MDGA2: variants seen among roughly 807,000 people sequenced by gnomAD.
MDGA2 encodes MAM domain-containing glycosylphosphatidylinositol anchor protein 2.
MDGA2 carries 40 observed loss-of-function variants against 117.8 expected under a neutral mutation model. The observed-to-expected ratio is 0.34, with a 90% CI of 0.26 to 0.44. The LOEUF (loss-of-function observed/expected upper bound fraction) is 0.44. Ranked by LOEUF, MDGA2 falls within the 20% of genes least tolerant of loss-of-function variation. MDGA2 has a pLI of 1.00. For missense variants in MDGA2, 1,123 were observed against 1,250.6 expected (o/e 0.90, Z 1.54); for synonymous variants, 452 against 439.0 (o/e 1.03, Z -0.37).
intron 1 of MDGA2, among the ~76,000 whole-genome samples, chr14:47,503,667 G>C (rs1387206725): frequency 2.0e-5 from 3 of 152,044 alleles, no homozygotes; most frequent in African/African-American, 7.2e-5. Context: ...GCCTCCCAAA[G>C]GGCTGAGATT....
chr14:47,204,553 T>A (rs1311272722), intron 3 of MDGA2, among the ~76,000 whole-genome samples: 1 of 151,948 alleles, frequency 6.6e-6, no homozygotes, highest in Non-Finnish European at 1.5e-5. Context: ...CATGGGTTTT[T>A]AAAAATACAT....
chr14:47,408,822 G>T (rs983381231), intron 1 of MDGA2, among the ~76,000 whole-genome samples: 14 of 152,092 alleles, frequency 9.2e-5, no homozygotes, highest in African/African-American at 3.1e-4. Flanking sequence ...GAGGAGACTG[G>T]GCAGATAGAG....
intron 3 of MDGA2, among the ~76,000 whole-genome samples, chr14:47,168,165 T>G (rs192346272): frequency 1.7e-4 from 26 of 152,084 alleles, no homozygotes; most frequent in Admixed American, 1.5e-3. Flanking sequence ...AGGAGTTTGC[T>G]TTTCCTCTTA....
In MDGA2 at chr14:47,372,623, AT is replaced by A. The variant is rs1171202728; in HGVS notation, c.281-71074del. On this transcript the variant is annotated intron_variant, in intron 1 of 16. Coordinates refer to ENST00000399232, the MANE Select transcript of MDGA2 (RefSeq NM_001113498.3). ...TCCTGAATTATTGGTTAGAGTATGA[AT>A]TGCTACCCACCATTGTGAAAATGAA... is the stretch of plus-strand genomic sequence containing the variant. Among the ~76,000 whole-genome samples the A allele has an allele frequency of 1.1e-4, 17 of 152,048 alleles. No homozygotes were observed. The East Asian group carries it at 2.7e-3, about 24-fold the overall frequency.
At chr14:47,618,571 A>G (rs188443887) in intron 1 of MDGA2, among the ~76,000 whole-genome samples, 1 of 152,300 alleles carries the variant, frequency 6.6e-6, no homozygotes, top group Non-Finnish European at 1.5e-5. Context: ...ACAAGAAGGC[A>G]CTGTATGTCG....
chr14:47,200,746 C>T (rs1885472288), intron 3 of MDGA2: 7 of 870,926 alleles, frequency 8.0e-6, no homozygotes, highest in Admixed American at 3.9e-5. Flanking sequence ...CCTGCTACTT[C>T]CAGCCAACCT....
chr14:47,314,458 A>T (rs548396320), intron 1 of MDGA2, among the ~76,000 whole-genome samples: 1 of 152,256 alleles, frequency 6.6e-6, no homozygotes, highest in Admixed American at 6.5e-5. Flanking sequence ...CAGGAGGATA[A>T]CTTAAAGCCA....
At chr14:47,482,356 G>A (rs571097437) in intron 1 of MDGA2, among the ~76,000 whole-genome samples, 2 of 152,060 alleles carry the variant, frequency 1.3e-5, no homozygotes, top group South Asian at 4.1e-4. Context: ...GCATGACTCT[G>A]GACATCATTC....
At chr14:47,213,892 G>A (rs1455043835) in intron 3 of MDGA2, among the ~76,000 whole-genome samples, 3 of 152,072 alleles carry the variant, frequency 2.0e-5, no homozygotes, top group South Asian at 2.1e-4. Flanking sequence ...CAATCACAGC[G>A]GAAGGCAAAG....
chr14:47,279,283 A>G (rs1441839361), intron 2 of MDGA2, among the ~76,000 whole-genome samples: 2 of 152,084 alleles, frequency 1.3e-5, no homozygotes, highest in African/African-American at 4.8e-5. Flanking sequence ...AACATTTTTA[A>G]GTCTCTATTT....
intron 1 of MDGA2, among the ~76,000 whole-genome samples, chr14:47,538,391 T>C (rs924458606): frequency 1.3e-5 from 2 of 152,214 alleles, no homozygotes; most frequent in South Asian, 2.1e-4. Flanking sequence ...TCGACTTCAT[T>C]ATTCAACTAC....
In MDGA2 at chr14:47,168,299, A is replaced by C. The variant is rs560724679; in HGVS notation, c.596-24025T>G. ...AACTCCATCTCAAAAAAAAAAAAAA[A>C]AAAAAACCTTAACATCTTGACCACA... On this transcript the variant is annotated intron_variant, in intron 3 of 16. Coordinates refer to ENST00000399232, the MANE Select transcript of MDGA2 (RefSeq NM_001113498.3). Among the ~76,000 whole-genome samples the C allele has an allele frequency of 1.0e-3, 156 of 151,814 alleles. 1 individual carries two copies. Among genetic ancestry groups the C allele is most frequent in the African/African-American group, 3.5e-3 (144 of 41,498 alleles).
chr14:47,503,590 G>A (rs1205539495), intron 1 of MDGA2, among the ~76,000 whole-genome samples: 1 of 151,984 alleles, frequency 6.6e-6, no homozygotes, highest in Non-Finnish European at 1.5e-5. Flanking sequence ...ATTTTTAGTA[G>A]AGACAGGGTT....
At chr14:47,281,910 AG>A (rs1888503576) in intron 2 of MDGA2, among the ~76,000 whole-genome samples, 2 of 151,954 alleles carry the variant, frequency 1.3e-5, no homozygotes, top group African/African-American at 4.8e-5. Flanking sequence ...TACAAAAATT[AG>A]TCGGGTGTGG....
intron 6 of MDGA2, among the ~76,000 whole-genome samples, chr14:47,070,080 T>C (rs1193974288): frequency 1.3e-5 from 2 of 152,142 alleles, no homozygotes; most frequent in Non-Finnish European, 2.9e-5. Flanking sequence ...TCCAATTATA[T>C]GCTTTGTTAT....
chr14:47,511,046 T>C (rs1302440665), intron 1 of MDGA2, among the ~76,000 whole-genome samples: 3 of 152,178 alleles, frequency 2.0e-5, no homozygotes. Context: ...AGTTTTCTTA[T>C]TTTTATTGGT....
intron 8 of MDGA2, among the ~76,000 whole-genome samples, chr14:46,961,154 G>T (rs766337420): frequency 1.3e-5 from 2 of 151,816 alleles, no homozygotes; most frequent in African/African-American, 2.4e-5. Context: ...TGTCATTGCT[G>T]TTCTGCAGTT....
chr14:47,324,787 G>A (rs1340854436), intron 1 of MDGA2, among the ~76,000 whole-genome samples: 4 of 151,790 alleles, frequency 2.6e-5, no homozygotes, highest in African/African-American at 9.7e-5. Context: ...TCTCACCCTC[G>A]TGAAACAGAA....
intron 1 of MDGA2, among the ~76,000 whole-genome samples, chr14:47,488,069 T>C (rs1293700689): frequency 1.3e-5 from 2 of 152,140 alleles, no homozygotes; most frequent in Non-Finnish European, 2.9e-5. Context: ...CTGGGTTATC[T>C]CAATGCTCCA....
Sources: allele counts gnomAD v4.1 joint callset (sites outside exome capture counted in the v4.1 genomes callset), GRCh38; gene constraint gnomAD v4.1.1; transcripts MANE v1.5; gene names NCBI Gene and HGNC (gene_info 2026-07-23, HGNC 2026-07-21).